GALNT10: variants seen among roughly 807,000 people sequenced by gnomAD.
GALNT10 encodes the protein GalNAc transferase 10.
GALNT10 carries 41 observed loss-of-function variants against 75.0 expected under a neutral mutation model. That is an observed-to-expected ratio of 0.55 (90% confidence interval 0.43 to 0.71). The LOEUF (loss-of-function observed/expected upper bound fraction) is 0.71, where lower values mean the gene tolerates loss of function less well. Among genes scored for constraint, GALNT10 ranks in the 30% least tolerant of loss-of-function variants. The pLI, the probability that GALNT10 is intolerant of heterozygous loss-of-function variation, is 0.00. For synonymous variants in GALNT10, 302 were observed against 313.0 expected, an observed-to-expected ratio of 0.96 and a Z score of 0.37; for missense variants, 727 against 818.5, an observed-to-expected ratio of 0.89 and a Z score of 1.36.
intron 1 of GALNT10, among the ~76,000 whole-genome samples, chr5:154,226,151 AAG>A (rs1162613117): frequency 2.6e-5 from 4 of 152,208 alleles, no homozygotes; most frequent in Non-Finnish European, 4.4e-5. Flanking sequence ...GGAAAAAAAA[AAG>A]AAATTTAACA....
In GALNT10 at chr5:154,412,850, G is replaced by T. The variant is rs1452965515; in HGVS notation, c.1387-39G>T. Reference sequence around the variant, plus strand: ...GCAGGGACCCGGTGGGCACCTTAAGGCACCTCAGTGGTCCACTTCTTCCCT... The same window carrying T: ...GCAGGGACCCGGTGGGCACCTTAAGTCACCTCAGTGGTCCACTTCTTCCCT... On this transcript the variant is annotated intron_variant, in intron 9 of 11. Transcript: ENST00000297107. This position sits in a 1 kb window ranked among gnomAD's most constrained non-coding sequence, Gnocchi z 4.2. The T allele has an allele frequency of 7.0e-7, 1 of 1,422,026 alleles. No individual in the cohort carries two copies. Among genetic ancestry groups the T allele is most frequent in the Admixed American group, 1.7e-5 (1 of 59,792 alleles). The allele number at this position is 1,422,026 out of a possible 1,614,324, so 88.1% of individuals were successfully genotyped here.
chr5:154,206,103 A>T (rs1332894282), intron 1 of GALNT10, among the ~76,000 whole-genome samples: 4 of 152,214 alleles, frequency 2.6e-5, no homozygotes, highest in African/African-American at 9.7e-5. Flanking sequence ...AAAGGCAAGG[A>T]TAATTGTCTT....
chr5:154,384,655 G>A (rs368525580), intron 6 of GALNT10, among the ~76,000 whole-genome samples: 40 of 152,346 alleles, frequency 2.6e-4, no homozygotes, highest in African/African-American at 8.7e-4. Context: ...AAGGAAAGCA[G>A]AAATGAGAGT....
chr5:154,285,580 G>A (rs939214822), intron 1 of GALNT10, among the ~76,000 whole-genome samples: 1 of 151,846 alleles, frequency 6.6e-6, no homozygotes, highest in Non-Finnish European at 1.5e-5. Context: ...AAACCCACAG[G>A]ACCCTAGTAA....
In GALNT10 at chr5:154,416,480, TACACACACACACACACACACAC is replaced by T. The variant is rs70978542; in HGVS notation, c.1654-317_1654-296del. On this transcript the variant is annotated intron_variant, in intron 11 of 11. Coordinates refer to ENST00000297107, the MANE Select transcript of GALNT10 (RefSeq NM_198321.4). The surrounding 1 kb of genome is among the most constrained non-coding windows in gnomAD (Gnocchi z 4.5). ...AAATAAAAGATAAAAGGAAAGCACA[TACACACACACACACACACACAC>T]ACACACACACACACACGATAAGGAC... Among the ~76,000 whole-genome samples the T allele has an allele frequency of 3.5e-5, 5 of 141,932 alleles. No homozygotes were observed. Among genetic ancestry groups the T allele is most frequent in the African/African-American group, 1.4e-4 (5 of 36,906 alleles). 93.1% of individuals were successfully genotyped at this position (141,932 alleles called of 152,430 possible).
intron 1 of GALNT10, among the ~76,000 whole-genome samples, chr5:154,278,882 C>A (rs1753993573): frequency 6.6e-6 from 1 of 152,174 alleles, no homozygotes; most frequent in Non-Finnish European, 1.5e-5. Flanking sequence ...AAATTCCATT[C>A]TTCTTTATGA....
At chr5:154,296,015 T>C (rs1464603658) in intron 2 of GALNT10, among the ~76,000 whole-genome samples, 1 of 152,178 alleles carries the variant, frequency 6.6e-6, no homozygotes, top group Non-Finnish European at 1.5e-5. Flanking sequence ...ACTTAACTGA[T>C]GATAAGAGAA....
chr5:154,379,952 G>C (rs1436555822), intron 5 of GALNT10, among the ~76,000 whole-genome samples: 2 of 152,160 alleles, frequency 1.3e-5, no homozygotes, highest in Admixed American at 6.5e-5. Context: ...GAGCTGTTAG[G>C]GGCACATAGT....
intron 1 of GALNT10, among the ~76,000 whole-genome samples, chr5:154,249,568 C>T (rs912843601): frequency 6.6e-6 from 1 of 152,244 alleles, no homozygotes; most frequent in African/African-American, 2.4e-5. Flanking sequence ...CCAGCCCCCC[C>T]CAGTAACTTG....
At chr5:154,202,249 A>G (rs999182207) in intron 1 of GALNT10, among the ~76,000 whole-genome samples, 1 of 152,140 alleles carries the variant, frequency 6.6e-6, no homozygotes, top group African/African-American at 2.4e-5. Context: ...CCGGGGCAGG[A>G]GTGGGGGTCC....
At chr5:154,386,595 GTT>G in intron 7 of GALNT10, 165 bp downstream of exon 7, 1 of 341,020 alleles carries the variant, frequency 2.9e-6, no homozygotes, top group Non-Finnish European at 5.7e-6. Flanking sequence ...GCCACTCTTT[GTT>G]GTGGGGTGGG....
chr5:154,266,756 C>T (rs1231000410), intron 1 of GALNT10, among the ~76,000 whole-genome samples: 2 of 152,038 alleles, frequency 1.3e-5, no homozygotes, highest in Non-Finnish European at 2.9e-5. Context: ...GTGGTGCCTA[C>T]CTGTAGTCCT....
At chr5:154,233,993 G>A (rs1472673000) in intron 1 of GALNT10, among the ~76,000 whole-genome samples, 2 of 152,072 alleles carry the variant, frequency 1.3e-5, no homozygotes, top group African/African-American at 4.8e-5. Flanking sequence ...TCTGGGAGGG[G>A]CCCTAGCAAT....
intron 1 of GALNT10, among the ~76,000 whole-genome samples, chr5:154,293,650 A>T (rs1010461464): frequency 4.8e-5 from 7 of 146,496 alleles, no homozygotes; most frequent in Admixed American, 3.4e-4. Context: ...TTGCTTCTTC[A>T]TACATTCCAT....
At chr5:154,271,136 G>A (rs1753858127) in intron 1 of GALNT10, among the ~76,000 whole-genome samples, 1 of 152,088 alleles carries the variant, frequency 6.6e-6, no homozygotes, top group Non-Finnish European at 1.5e-5. Flanking sequence ...TTTGAGTCCT[G>A]TAAATGAGGC....
In GALNT10 at chr5:154,390,935, A is replaced by G. The variant is rs1755886700; in HGVS notation, c.1056+4505A>G. ...GGGAGGGGGAAGGAGGCTGGCTTAC[A>G]TTTCCATTTGATCCAATTATGTCCG... is the stretch of plus-strand genomic sequence containing the variant. On this transcript the variant is annotated intron_variant, in intron 7 of 11. Coordinates refer to ENST00000297107, the MANE Select transcript of GALNT10 (RefSeq NM_198321.4). Among the ~76,000 whole-genome samples, 3 of 152,238 alleles carry G rather than the reference A, an allele frequency of 2.0e-5. No individual in the cohort carries two copies. In the South Asian group the frequency reaches 6.2e-4, roughly 31 times the overall value.
intron 7 of GALNT10, chr5:154,392,063 G>A (rs1255415651): frequency 6.6e-6 from 1 of 152,274 alleles, no homozygotes; most frequent in Non-Finnish European, 1.5e-5. Context: ...AATGGATGTG[G>A]GGCAGAGCAA....
rs569392076 is a variant in GALNT10 at position 154,213,938 on chromosome 5, T to C, written c.159+22913T>C. Among the ~76,000 whole-genome samples the C allele has an allele frequency of 2.6e-5, 4 of 152,282 alleles. No individual in the cohort carries two copies. The East Asian group carries it at 5.8e-4, about 22-fold the overall frequency. Reference sequence around the variant, plus strand: ...TCTTTCTGGGCCCCAAGGGTCTCTTTTGCAAGAAGGACATAGCAACTTCTC... The same window carrying C: ...TCTTTCTGGGCCCCAAGGGTCTCTTCTGCAAGAAGGACATAGCAACTTCTC... On this transcript the variant is annotated intron_variant, in intron 1 of 11. Transcript: ENST00000297107.
chr5:154,272,917 T>C (rs1753891945), intron 1 of GALNT10, among the ~76,000 whole-genome samples: 2 of 138,400 alleles, frequency 1.4e-5, no homozygotes, highest in African/African-American at 5.3e-5. Flanking sequence ...CATAGCTTAC[T>C]GCAACCTTGA....
Sources: gnomAD v4.1 joint callset for allele counts (sites outside exome capture counted in the v4.1 genomes callset) on GRCh38, gnomAD v4.1.1 for gene constraint, Gnocchi (gnomAD v3.1) non-coding constraint, MANE v1.5 for transcripts, NCBI Gene and HGNC (gene_info 2026-07-23, HGNC 2026-07-21) for gene names.